Variants in CFAP96 observed in about 807,000 individuals in gnomAD.
CFAP96 encodes cilia-and flagella-associated protein 96.
the CFAP96 span, among the ~76,000 whole-genome samples, chr4:185,440,921 A>G: frequency 1.4e-5 from 2 of 140,114 alleles, no homozygotes; most frequent in African/African-American, 5.2e-5. Context: ...GTCATGAAGT[A>G]ATTATTAGTC....
the CFAP96 span, among the ~76,000 whole-genome samples, chr4:185,419,087 C>T: frequency 2.6e-5 from 4 of 152,046 alleles, no homozygotes; most frequent in African/African-American, 9.7e-5. Context: ...GTTTCTCATT[C>T]CCCCTACTTT....
chr4:185,443,338 ATATAT>A, the CFAP96 span, among the ~76,000 whole-genome samples: 16 of 32,118 alleles, frequency 5.0e-4, no homozygotes, highest in South Asian at 1.4e-3. Flanking sequence ...ATATATATAT[ATATAT>A]TTTTTTTTTT....
the CFAP96 span, among the ~76,000 whole-genome samples, chr4:185,410,100 TAGAA>T: frequency 6.6e-6 from 1 of 151,990 alleles, no homozygotes; most frequent in African/African-American, 2.4e-5. Flanking sequence ...TAGTTTCACT[TAGAA>T]TTCTTTCTGA....
At chr4:185,449,471 T>C in the CFAP96 span, 2 of 558,878 alleles carry the variant, frequency 3.6e-6, no homozygotes, top group East Asian at 3.3e-5. Context: ...TGCAGTGAAC[T>C]GTGATTGCAC....
the CFAP96 span, among the ~76,000 whole-genome samples, chr4:185,422,761 T>G: frequency 8.5e-3 from 1,296 of 152,298 alleles, 19 homozygotes; most frequent in South Asian, 0.053. Context: ...GTTCTCAACC[T>G]TTGTTCTATA....
chr4:185,421,839 T>C, the CFAP96 span, among the ~76,000 whole-genome samples: 1 of 152,212 alleles, frequency 6.6e-6, no homozygotes, highest in Non-Finnish European at 1.5e-5. Context: ...CTATCACCCT[T>C]CAGAGACATT....
chr4:185,413,839 T>C, the CFAP96 span: 6 of 1,612,728 alleles, frequency 3.7e-6, no homozygotes, highest in Admixed American at 3.3e-5. Context: ...AAATAGGGTC[T>C]GTCGTGAGGC....
At chr4:185,446,785 T>TA in the CFAP96 span, among the ~76,000 whole-genome samples, 17 of 152,240 alleles carry the variant, frequency 1.1e-4, no homozygotes, top group Admixed American at 6.5e-4. Flanking sequence ...GTGTTTTCTA[T>TA]AAAAAAAATT....
chr4:185,443,152 C>T, the CFAP96 span, among the ~76,000 whole-genome samples: 1 of 151,420 alleles, frequency 6.6e-6, no homozygotes, highest in Non-Finnish European at 1.5e-5. Flanking sequence ...TGAGCTTAGC[C>T]GTATTACAGG....
chr4:185,429,349 C>A, the CFAP96 span: 1 of 932,052 alleles, frequency 1.1e-6, no homozygotes, highest in Non-Finnish European at 1.5e-6. Context: ...TGCTATAAAA[C>A]ACGTGACCCT....
chr4:185,411,638 CTA>C, the CFAP96 span, among the ~76,000 whole-genome samples: 1 of 151,900 alleles, frequency 6.6e-6, no homozygotes, highest in African/African-American at 2.4e-5. Context: ...AATAATATAT[CTA>C]TAATTTTCCT....
chr4:185,442,521 G>A, the CFAP96 span, among the ~76,000 whole-genome samples: 1 of 151,978 alleles, frequency 6.6e-6, no homozygotes, highest in African/African-American at 2.4e-5. Context: ...ATTAAACTTT[G>A]TGTCCTAATG....
chr4:185,430,777 C>T, the CFAP96 span, among the ~76,000 whole-genome samples: 10 of 151,646 alleles, frequency 6.6e-5, no homozygotes, highest in Non-Finnish European at 1.0e-4. Context: ...GTGTCCTGCC[C>T]GTATAGTCTC....
At chr4:185,422,671 C>A in the CFAP96 span, 1 of 741,328 alleles carries the variant, frequency 1.3e-6, no homozygotes, top group Admixed American at 3.4e-5. Context: ...AACCTTGATT[C>A]TTCAAATTAT....
chr4:185,424,656 T>G, the CFAP96 span, among the ~76,000 whole-genome samples: 1 of 152,164 alleles, frequency 6.6e-6, no homozygotes, highest in East Asian at 1.9e-4. Context: ...AGAAATCAGT[T>G]AAATAAAGAA....
the CFAP96 span, among the ~76,000 whole-genome samples, chr4:185,443,921 CTTTTTTTTTTTTTT>C: frequency 6.3e-3 from 522 of 82,862 alleles, 101 homozygotes; most frequent in East Asian, 7.7e-3. Flanking sequence ...CTATATCTTT[CTTTTTTTTTTTTTT>C]TTTTTTTTTT....
At chr4:185,415,498 G>C in the CFAP96 span, 1 of 828,752 alleles carries the variant, frequency 1.2e-6, no homozygotes, top group South Asian at 2.2e-5. Context: ...AAAAGAAACT[G>C]TGTATTTGCT....
At chr4:185,416,250 AGCCAC>A in the CFAP96 span, among the ~76,000 whole-genome samples, 1 of 152,250 alleles carries the variant, frequency 6.6e-6, no homozygotes, top group African/African-American at 2.4e-5. Flanking sequence ...TAAACGTTAA[AGCCAC>A]GCATAGGTTC....
the CFAP96 span, among the ~76,000 whole-genome samples, chr4:185,424,893 A>G: frequency 3.9e-5 from 6 of 152,364 alleles, no homozygotes; most frequent in African/African-American, 1.4e-4. Context: ...TAAAAGCACT[A>G]GTCTTCCTAG....
Sources: gnomAD v4.1 joint callset for allele counts (sites outside exome capture counted in the v4.1 genomes callset) on GRCh38, gnomAD v4.1.1 for gene constraint, MANE v1.5 for transcripts, NCBI Gene and HGNC (gene_info 2026-07-23, HGNC 2026-07-21) for gene names.